The following PTPDC1 variants were observed in gnomAD, a reference collection of about 807,000 sequenced individuals.
The protein encoded by PTPDC1 is protein tyrosine phosphatase domain containing 1.
Under a neutral mutation model 75.3 loss-of-function variants are expected in PTPDC1, and 53 were observed. That is an observed-to-expected ratio of 0.70 (90% confidence interval 0.56 to 0.88). The LOEUF (loss-of-function observed/expected upper bound fraction) is 0.88. Ranked by LOEUF, PTPDC1 falls within the 40% of genes least tolerant of loss-of-function variation. The pLI is 0.00. For missense variants in PTPDC1, 925 were observed against 998.6 expected, an observed-to-expected ratio of 0.93 and a Z score of 0.99; for synonymous variants, 349 against 366.2, an observed-to-expected ratio of 0.95 and a Z score of 0.54.
chr9:94,107,450 G>A (rs182953508), intron 8 of PTPDC1, among the ~76,000 whole-genome samples: 8 of 152,320 alleles, frequency 5.3e-5, no homozygotes, highest in African/African-American at 1.4e-4. Context: ...CAGAGTGGCC[G>A]TAGGGCCTCT....
At chr9:94,072,939 T>A (rs1826562726) in intron 2 of PTPDC1, among the ~76,000 whole-genome samples, 1 of 152,208 alleles carries the variant, frequency 6.6e-6, no homozygotes. Flanking sequence ...TTGTTGAGGA[T>A]TTTTTTCCTA....
chr9:94,034,508 G>A (rs896918241), intron 1 of PTPDC1, among the ~76,000 whole-genome samples: 2 of 152,146 alleles, frequency 1.3e-5, no homozygotes, highest in African/African-American at 2.4e-5. Context: ...CTCCAGCCTG[G>A]ACAATAGAGT....
intron 1 of PTPDC1, 71 bp downstream of exon 1, chr9:94,084,845 T>C: frequency 1.8e-6 from 2 of 1,097,992 alleles, no homozygotes; most frequent in East Asian, 4.9e-5. Flanking sequence ...CTGTGTTGTG[T>C]TTATACCTTT....
In PTPDC1 at chr9:94,101,521, CCT is replaced by C. The variant is rs1827840881; in HGVS notation, c.2014-44_2014-43del. 5 of 1,488,412 alleles carry C rather than the reference CCT, an allele frequency of 3.4e-6. No homozygotes were observed. In the African/African-American group the frequency reaches 4.2e-5, roughly 12 times the overall value. The allele number at this position is 1,488,412 out of a possible 1,614,324, so 92.2% of individuals were successfully genotyped here. A position where few individuals can be genotyped will look rare whatever the true frequency, so the allele number is the denominator to read the frequency against. Reference sequence around the variant, plus strand: ...AAATGGTGCACCTCCCTCTCCTCTCCCTGTCTCTGTCTCTGTCTGTCTGTCTC... The same window carrying C: ...AAATGGTGCACCTCCCTCTCCTCTCCGTCTCTGTCTCTGTCTGTCTGTCTC... On this transcript the variant is annotated intron_variant, in intron 6 of 8. Transcript: ENST00000620992.
chr9:94,041,153 A>G (rs1825417197), intron 1 of PTPDC1, among the ~76,000 whole-genome samples: 1 of 152,216 alleles, frequency 6.6e-6, no homozygotes, highest in South Asian at 2.1e-4. Context: ...GTACAAATCA[A>G]CTGACTCTAG....
chr9:94,033,951 C>T (rs1041239027), intron 1 of PTPDC1, among the ~76,000 whole-genome samples: 15 of 152,276 alleles, frequency 9.9e-5, no homozygotes, highest in African/African-American at 3.4e-4. Context: ...TATTTATGAA[C>T]ACTTATCATG....
At chr9:94,032,460 TC>T (rs553806796) in intron 1 of PTPDC1, among the ~76,000 whole-genome samples, 16 of 152,310 alleles carry the variant, frequency 1.1e-4, no homozygotes, top group African/African-American at 3.6e-4. Flanking sequence ...AAACAGAGAT[TC>T]CATCTCCTTT....
chr9:94,084,008 A>C (rs1189467009), upstream of PTPDC1, among the ~76,000 whole-genome samples: 1 of 152,232 alleles, frequency 6.6e-6, no homozygotes, highest in Non-Finnish European at 1.5e-5. Flanking sequence ...TATTTTAATA[A>C]TCTTGTAAGG....
At chr9:94,056,926 T>C (rs1825957647) in intron 1 of PTPDC1, among the ~76,000 whole-genome samples, 1 of 152,156 alleles carries the variant, frequency 6.6e-6, no homozygotes, top group African/African-American at 2.4e-5. Context: ...AAAATATCTG[T>C]CATTGACAAC....
chr9:94,038,810 A>G (rs1368906460), intron 1 of PTPDC1, among the ~76,000 whole-genome samples: 1 of 152,204 alleles, frequency 6.6e-6, no homozygotes, highest in Non-Finnish European at 1.5e-5. Context: ...TAAGGTAGCA[A>G]TGTCTACTTT....
upstream of PTPDC1, among the ~76,000 whole-genome samples, chr9:94,083,519 C>A (rs1826961609): frequency 6.6e-6 from 1 of 152,064 alleles, no homozygotes; most frequent in South Asian, 2.1e-4. Flanking sequence ...TCTGTGCACA[C>A]ACATCTGAAA....
At chr9:94,042,077 C>T (rs1397327910) in intron 1 of PTPDC1, among the ~76,000 whole-genome samples, 1 of 152,200 alleles carries the variant, frequency 6.6e-6, no homozygotes, top group Non-Finnish European at 1.5e-5. Context: ...TCTAACCTTT[C>T]CTCCTTACTT....
At chr9:94,102,376 A>G (rs1366058777) in intron 7 of PTPDC1, among the ~76,000 whole-genome samples, 1 of 151,536 alleles carries the variant, frequency 6.6e-6, no homozygotes, top group Non-Finnish European at 1.5e-5. Context: ...TTTAAAATAG[A>G]GGAAATATGT....
intron 6 of PTPDC1, 176 bp downstream of exon 6, chr9:94,098,755 C>A: frequency 1.6e-6 from 1 of 637,452 alleles, no homozygotes; most frequent in Non-Finnish European, 2.7e-6. Flanking sequence ...AGAAAAAACA[C>A]AGGGTGTTTG....
chr9:94,083,355 A>G (rs1325927048), upstream of PTPDC1, among the ~76,000 whole-genome samples: 4 of 152,210 alleles, frequency 2.6e-5, no homozygotes, highest in Non-Finnish European at 5.9e-5. Context: ...TTGGACACCA[A>G]ATCGGGATTC....
chr9:94,036,352 A>G (rs1229521116), intron 1 of PTPDC1, among the ~76,000 whole-genome samples: 2 of 152,038 alleles, frequency 1.3e-5, no homozygotes, highest in African/African-American at 2.4e-5. Flanking sequence ...TTTGAGTTAT[A>G]TAATTTTTGT....
Position 94,097,625 on chromosome 9 carries a change from A to G in PTPDC1, c.1059A>G (p.Leu353=), listed in dbSNP as rs1367733294. ...TAGTTTGCAAATTGCTGCTGGACTT[A>G]GCGGAGAACAGGCCAGTGATGATGA... ...IHLVCKLLLD[L]AENRPVMMKD... Residue 353 remains leucine (L), a synonymous_variant, in exon 6 of 9, where the codon TTA becomes TTG. Transcript: ENST00000620992. 1 of 1,614,058 alleles carries G rather than the reference A, an allele frequency of 6.2e-7. No individual in the cohort carries two copies.
intron 5 of PTPDC1, among the ~76,000 whole-genome samples, chr9:94,095,942 A>G (rs1482835917): frequency 1.3e-5 from 2 of 152,214 alleles, no homozygotes; most frequent in Non-Finnish European, 2.9e-5. Context: ...AATTTGCTAC[A>G]TTTAGTAAGT....
In PTPDC1 at chr9:94,097,602, G is replaced by C; in HGVS notation, c.1036G>C (p.Val346Leu). 3 of 1,613,976 alleles carry C rather than the reference G, an allele frequency of 1.9e-6. No individual in the cohort carries two copies. The highest frequency in any genetic ancestry group is 2.5e-6 in the Non-Finnish European group (3 of 1,180,036). The change falls in exon 6 of 9, where the codon GTT becomes CTT. Residue 346 changes from valine (V) to leucine (L), a missense_variant. Val to Leu is a conservative substitution (Grantham distance 32). Transcript: ENST00000620992. ...ACACGTGCCAAAAATTATCCACCTA[G>C]TTTGCAAATTGCTGCTGGACTTAGC... ...LKHVPKIIHL[V>L]CKLLLDLAEN...
Sources: gnomAD v4.1 joint callset for allele counts (sites outside exome capture counted in the v4.1 genomes callset) on GRCh38, gnomAD v4.1.1 for gene constraint, MANE v1.5 for transcripts, NCBI Gene and HGNC (gene_info 2026-07-23, HGNC 2026-07-21) for gene names.